Variants in SDCCAG8 observed in about 807,000 individuals in gnomAD.
The protein encoded by SDCCAG8 is SHH signaling and ciliogenesis regulator SDCCAG8.
In SDCCAG8, 74 loss-of-function variants were observed where a neutral mutation model predicts 101.8. The observed-to-expected ratio is 0.73, with a 90% CI of 0.60 to 0.88. The LOEUF (loss-of-function observed/expected upper bound fraction) is 0.88, where lower values mean the gene tolerates loss of function less well. Among genes scored for constraint, SDCCAG8 ranks in the 40% least tolerant of loss-of-function variants. SDCCAG8 has a pLI of 0.00. For synonymous variants in SDCCAG8, 281 were observed against 292.9 expected (o/e 0.96, Z 0.41); for missense variants, 787 against 822.6 (o/e 0.96, Z 0.53).
intron 1 of SDCCAG8, among the ~76,000 whole-genome samples, chr1:243,263,077 G>A (rs933396777): frequency 5.9e-5 from 9 of 152,172 alleles, no homozygotes; most frequent in Admixed American, 1.3e-4. Flanking sequence ...TGGCAGAATA[G>A]CTCACTGTCA....
intron 13 of SDCCAG8, among the ~76,000 whole-genome samples, chr1:243,404,382 G>A (rs1199818249): frequency 6.6e-6 from 1 of 152,164 alleles, no homozygotes; most frequent in African/African-American, 2.4e-5. Flanking sequence ...GCAGACACAG[G>A]TTATTGAAGC....
chr1:243,492,863 T>C (rs1372257613), intron 17 of SDCCAG8, among the ~76,000 whole-genome samples: 1 of 152,144 alleles, frequency 6.6e-6, no homozygotes, highest in Non-Finnish European at 1.5e-5. Flanking sequence ...CACCTTGGCC[T>C]CCCAAAGTGC....
intron 4 of SDCCAG8, among the ~76,000 whole-genome samples, chr1:243,284,493 T>A (rs2149282685): frequency 6.6e-6 from 1 of 152,322 alleles, no homozygotes. Flanking sequence ...TAGATCTAAG[T>A]CTTTTAGTAA....
chr1:243,277,134 A>G (rs1320635447), intron 4 of SDCCAG8, among the ~76,000 whole-genome samples: 1 of 152,196 alleles, frequency 6.6e-6, no homozygotes, highest in Non-Finnish European at 1.5e-5. Context: ...TTTTGTGTGG[A>G]CATCTGTTTT....
intron 3 of SDCCAG8, among the ~76,000 whole-genome samples, chr1:243,273,678 C>A (rs1047735383): frequency 6.6e-6 from 1 of 152,196 alleles, no homozygotes; most frequent in Non-Finnish European, 1.5e-5. Flanking sequence ...TGGCATCAAA[C>A]GCTTCCTAAA....
At chr1:243,393,763 AT>A (rs537246350) in intron 13 of SDCCAG8, among the ~76,000 whole-genome samples, 21 of 152,194 alleles carry the variant, frequency 1.4e-4, no homozygotes, top group African/African-American at 2.4e-4. Flanking sequence ...ATTAGAAAAG[AT>A]TTTTTTTATA....
At chr1:243,488,794 C>T (rs1665656890) in intron 16 of SDCCAG8, among the ~76,000 whole-genome samples, 1 of 152,140 alleles carries the variant, frequency 6.6e-6, no homozygotes, top group Non-Finnish European at 1.5e-5. Context: ...TGATAGTGTA[C>T]TGAGATGGCT....
At chr1:243,262,001 G>C (rs934004433) in intron 1 of SDCCAG8, among the ~76,000 whole-genome samples, 5 of 151,168 alleles carry the variant, frequency 3.3e-5, no homozygotes, top group African/African-American at 1.2e-4. Context: ...GTAGAGACGG[G>C]GTTTCTCCAT....
At chr1:243,492,519 G>T (rs1574408472) in intron 17 of SDCCAG8, among the ~76,000 whole-genome samples, 1 of 150,454 alleles carries the variant, frequency 6.6e-6, no homozygotes. Flanking sequence ...GGCCAGGCTG[G>T]TCTTGAACTC....
intron 4 of SDCCAG8, among the ~76,000 whole-genome samples, chr1:243,283,831 C>A (rs1294744503): frequency 6.6e-6 from 1 of 152,158 alleles, no homozygotes; most frequent in East Asian, 1.9e-4. Flanking sequence ...ACCTCTGCCT[C>A]CTGGGTTCAA....
chr1:243,366,885 CAT>C (rs2077018886), intron 12 of SDCCAG8, among the ~76,000 whole-genome samples: 1 of 151,774 alleles, frequency 6.6e-6, no homozygotes, highest in Non-Finnish European at 1.5e-5. Flanking sequence ...CCATCTGGAT[CAT>C]ATATATATGT....
chr1:243,278,895 A>G lies in SDCCAG8; in HGVS notation c.420+4239A>G, dbSNP rs1442225948. Reference sequence around the variant, plus strand: ...CATCCTGGGCGCAAGTGATCCTCCTACCACAGCCTCCCTAGTAGCTGGGAC... The same window carrying G: ...CATCCTGGGCGCAAGTGATCCTCCTGCCACAGCCTCCCTAGTAGCTGGGAC... On this transcript the variant is annotated intron_variant, in intron 4 of 17. Coordinates refer to ENST00000366541, the MANE Select transcript of SDCCAG8 (RefSeq NM_006642.5). 4.6e-5 allele frequency among the ~76,000 whole-genome samples: 7 copies of G among 151,992 alleles called. No individual in the cohort carries two copies. In the East Asian group the frequency reaches 1.4e-3, roughly 30 times the overall value.
chr1:243,268,375 C>A (rs2067804372), intron 1 of SDCCAG8, among the ~76,000 whole-genome samples: 1 of 152,210 alleles, frequency 6.6e-6, no homozygotes, highest in Non-Finnish European at 1.5e-5. Flanking sequence ...TATTGTAAAA[C>A]TATCACAGTT....
At chr1:243,290,653 T>C (rs1460490129) in intron 5 of SDCCAG8, among the ~76,000 whole-genome samples, 1 of 152,202 alleles carries the variant, frequency 6.6e-6, no homozygotes, top group Non-Finnish European at 1.5e-5. Flanking sequence ...GAGACCCCCC[T>C]GCAGGCACCA....
At chr1:243,322,523 A>G (rs1452794027) in intron 9 of SDCCAG8, among the ~76,000 whole-genome samples, 2 of 152,224 alleles carry the variant, frequency 1.3e-5, no homozygotes, top group African/African-American at 4.8e-5. Context: ...AACTTAAACA[A>G]TGGTTAATCA....
chr1:243,302,251 A>G (rs1164084358), intron 6 of SDCCAG8, among the ~76,000 whole-genome samples: 1 of 152,172 alleles, frequency 6.6e-6, no homozygotes, highest in African/African-American at 2.4e-5. Context: ...CTGTCTCAAA[A>G]CAAAACAAAA....
chr1:243,307,784 C>T, intron 7 of SDCCAG8: 5 of 1,438,418 alleles, frequency 3.5e-6, no homozygotes, highest in East Asian at 2.5e-5. Flanking sequence ...TAATTTATTC[C>T]AGTCTCATCA....
chr1:243,467,328 C>A (rs1660351669), intron 16 of SDCCAG8, among the ~76,000 whole-genome samples: 1 of 152,160 alleles, frequency 6.6e-6, no homozygotes, highest in Non-Finnish European at 1.5e-5. Context: ...GAGGAGAGAA[C>A]CAGTGAGAGA....
At chr1:243,310,559 T>C (rs908575951) in intron 8 of SDCCAG8, among the ~76,000 whole-genome samples, 12 of 151,978 alleles carry the variant, frequency 7.9e-5, no homozygotes, top group Non-Finnish European at 1.5e-4. Context: ...GAAATAAATA[T>C]AAAAAATATC....
Sources: allele counts gnomAD v4.1 joint callset (sites outside exome capture counted in the v4.1 genomes callset), GRCh38; gene constraint gnomAD v4.1.1; transcripts MANE v1.5; gene names NCBI Gene and HGNC (gene_info 2026-07-23, HGNC 2026-07-21).